Variants in SLC35F3 observed in about 807,000 individuals in gnomAD.
SLC35F3 encodes the protein putative thiamine transporter SLC35F3.
In SLC35F3, 25 loss-of-function variants were observed where a neutral mutation model predicts 49.9. The ratio of observed to expected loss-of-function variants is 0.50; its 90% CI spans 0.37 to 0.70. SLC35F3 has a LOEUF of 0.70. Ranked by LOEUF, SLC35F3 falls within the 30% of genes least tolerant of loss-of-function variation. The pLI, the probability that SLC35F3 is intolerant of heterozygous loss-of-function variation, is 0.00. For synonymous variants in SLC35F3, 275 were observed against 265.4 expected, an observed-to-expected ratio of 1.04 and a Z score of -0.35; for missense variants, 525 against 639.8, an observed-to-expected ratio of 0.82 and a Z score of 1.94.
intron 2 of SLC35F3, among the ~76,000 whole-genome samples, chr1:233,962,779 A>G (rs1430791231): frequency 3.3e-5 from 5 of 152,240 alleles, no homozygotes; most frequent in Non-Finnish European, 7.3e-5. Flanking sequence ...TGACATTTTC[A>G]AGATATTCTC....
chr1:234,316,776 A>G (rs1226246688), intron 5 of SLC35F3, 49 bp downstream of exon 5: 15 of 1,576,198 alleles, frequency 9.5e-6, no homozygotes, highest in Non-Finnish European at 1.3e-5. Flanking sequence ...CTCCTCAGCC[A>G]GCACAGCCGG....
At chr1:234,012,252 CA>C (rs1454521827) in intron 2 of SLC35F3, among the ~76,000 whole-genome samples, 5 of 152,216 alleles carry the variant, frequency 3.3e-5, no homozygotes, top group Non-Finnish European at 4.4e-5. Context: ...TCTCCTATCT[CA>C]GAATTGAACA....
intron 2 of SLC35F3, among the ~76,000 whole-genome samples, chr1:234,058,613 G>A (rs1005380813): frequency 6.6e-6 from 1 of 152,046 alleles, no homozygotes. Flanking sequence ...CCAAAGTGTT[G>A]GGATAACAGG....
chr1:234,178,489 A>T (rs981687103), intron 2 of SLC35F3, among the ~76,000 whole-genome samples: 1 of 151,516 alleles, frequency 6.6e-6, no homozygotes, highest in South Asian at 2.1e-4. Context: ...TTTTTAGAAC[A>T]GTTTTAGGTT....
At chr1:234,024,151 A>G (rs1663941619) in intron 2 of SLC35F3, among the ~76,000 whole-genome samples, 1 of 152,198 alleles carries the variant, frequency 6.6e-6, no homozygotes, top group Non-Finnish European at 1.5e-5. Flanking sequence ...AGGGGTATAT[A>G]GGAACCCTTT....
chr1:233,973,663 T>A (rs1663029905), intron 2 of SLC35F3, among the ~76,000 whole-genome samples: 1 of 152,216 alleles, frequency 6.6e-6, no homozygotes, highest in Non-Finnish European at 1.5e-5. Flanking sequence ...TGCACAGGTC[T>A]CTTTGGCCAC....
chr1:234,323,831 G>C lies in SLC35F3; in HGVS notation c.*588G>C, dbSNP rs191621223. The C allele has an allele frequency of 1.0e-3, 158 of 156,090 alleles. 6 individuals carry two copies. The East Asian group carries it at 0.027, about 27-fold the overall frequency. 9.7% of individuals were successfully genotyped at this position (156,090 alleles called of 1,614,324 possible). Reference sequence around the variant, plus strand: ...ACTGTCAGAGGACAGGTCTGTGCCAGGTACCAGGAAGGACAAGATAAGTCC... The same window carrying C: ...ACTGTCAGAGGACAGGTCTGTGCCACGTACCAGGAAGGACAAGATAAGTCC... On this transcript the variant is annotated 3_prime_UTR_variant, in exon 8 of 8. Coordinates refer to ENST00000366618, the MANE Select transcript of SLC35F3 (RefSeq NM_173508.4). The surrounding 1 kb of genome is among the most constrained non-coding windows in gnomAD (Gnocchi z 4.5).
intron 3 of SLC35F3, among the ~76,000 whole-genome samples, chr1:234,281,953 GC>G (rs1379616529): frequency 2.0e-5 from 3 of 152,136 alleles, no homozygotes; most frequent in Non-Finnish European, 4.4e-5. Context: ...GCACGCAATG[GC>G]TGTGAGGCTG....
At chr1:234,192,467 T>C (rs998855901) in intron 2 of SLC35F3, among the ~76,000 whole-genome samples, 7 of 152,154 alleles carry the variant, frequency 4.6e-5, no homozygotes, top group African/African-American at 1.7e-4. Flanking sequence ...GTAAAAACTG[T>C]CTATGACAAA....
At chr1:234,132,120 A>G (rs1401026507) in intron 2 of SLC35F3, among the ~76,000 whole-genome samples, 2 of 152,152 alleles carry the variant, frequency 1.3e-5, no homozygotes, top group Admixed American at 6.5e-5. Context: ...ATCTAACAAG[A>G]TGGAAGTCAG....
At chr1:234,108,676 A>C (rs1324555832) in intron 2 of SLC35F3, among the ~76,000 whole-genome samples, 1 of 124,698 alleles carries the variant, frequency 8.0e-6, no homozygotes, top group African/African-American at 3.0e-5. Flanking sequence ...TAAAAGATAT[A>C]TATATTTTTA....
chr1:233,940,884 ATACTAT>A (rs1178992592), intron 2 of SLC35F3, among the ~76,000 whole-genome samples: 1 of 152,196 alleles, frequency 6.6e-6, no homozygotes, highest in African/African-American at 2.4e-5. Context: ...TATTGATAAG[ATACTAT>A]TACTACAAAA....
intron 2 of SLC35F3, among the ~76,000 whole-genome samples, chr1:233,983,929 C>T (rs1313229935): frequency 1.3e-5 from 2 of 152,172 alleles, no homozygotes; most frequent in East Asian, 1.9e-4. Flanking sequence ...CAAGATACAA[C>T]GTTCTAATCA....
At chr1:234,106,827 A>G (rs956575651) in intron 2 of SLC35F3, among the ~76,000 whole-genome samples, 5 of 152,194 alleles carry the variant, frequency 3.3e-5, no homozygotes, top group South Asian at 2.1e-4. Flanking sequence ...ATGAGGGGGA[A>G]CTTTGCTGAG....
chr1:233,948,196 AGAGAGAGGGAGAGAGG>A (rs1161970025), intron 2 of SLC35F3, among the ~76,000 whole-genome samples: 6 of 95,128 alleles, frequency 6.3e-5, no homozygotes, highest in Admixed American at 2.6e-4. Context: ...GAGGGGAGAG[AGAGAGAGGGAGAGAGG>A]GAGAGAGGGA....
intron 3 of SLC35F3, among the ~76,000 whole-genome samples, chr1:234,302,859 G>C (rs908514700): frequency 6.6e-6 from 1 of 152,084 alleles, no homozygotes; most frequent in African/African-American, 2.4e-5. Context: ...TCTCTTATGT[G>C]TTTTTAATTA....
chr1:233,997,172 C>T (rs952905763), intron 2 of SLC35F3, among the ~76,000 whole-genome samples: 4 of 152,174 alleles, frequency 2.6e-5, no homozygotes, highest in Admixed American at 6.5e-5. Flanking sequence ...ACTCGCGTTG[C>T]TTCCACATCC....
intron 2 of SLC35F3, among the ~76,000 whole-genome samples, chr1:233,979,615 G>C (rs2102821224): frequency 6.6e-6 from 1 of 152,228 alleles, no homozygotes; most frequent in African/African-American, 2.4e-5. Flanking sequence ...CAATAAAATA[G>C]GTGGGAACTG....
rs556112926 is a variant in SLC35F3, at chr1:234,308,999, C to A, written c.609-102C>A. ...AAATAATAAATTTTAAAACCCTGCCCCTTCCTATATTTGCTTAAAAAAAAA... is the reference window on the plus strand; with the variant it reads ...AAATAATAAATTTTAAAACCCTGCCACTTCCTATATTTGCTTAAAAAAAAA... On this transcript the variant is annotated intron_variant, in intron 3 of 7. Coordinates refer to ENST00000366618, the MANE Select transcript of SLC35F3 (RefSeq NM_173508.4). 2.2e-5 allele frequency: 17 copies of A among 777,330 alleles called. No homozygotes were observed. In the South Asian group the frequency reaches 2.9e-4, roughly 13 times the overall value. 48.2% of individuals were successfully genotyped at this position (777,330 alleles called of 1,614,324 possible).
Sources: gnomAD v4.1 joint callset for allele counts (sites outside exome capture counted in the v4.1 genomes callset) on GRCh38, gnomAD v4.1.1 for gene constraint, Gnocchi (gnomAD v3.1) non-coding constraint, MANE v1.5 for transcripts, NCBI Gene and HGNC (gene_info 2026-07-23, HGNC 2026-07-21) for gene names.